Variants in PPP1R12B observed in about 807,000 individuals in gnomAD.
PPP1R12B encodes protein phosphatase 1 regulatory subunit 12B.
In PPP1R12B, 76 loss-of-function variants were observed where a neutral mutation model predicts 126.1. The observed-to-expected ratio is 0.60, with a 90% CI of 0.50 to 0.73. PPP1R12B has a LOEUF of 0.73. Ranked by LOEUF, PPP1R12B falls within the 30% of genes least tolerant of loss-of-function variation. The probability of loss-of-function intolerance (pLI) is 0.00; values close to 1 mark genes in which losing one functional copy is unlikely to be tolerated. For missense variants in PPP1R12B, 1,052 were observed against 1,205.1 expected (o/e 0.87, Z 1.88); for synonymous variants, 356 against 434.7 (o/e 0.82, Z 2.25).
intron 23 of PPP1R12B, chr1:202,574,898 A>G: frequency 8.2e-7 from 1 of 1,220,788 alleles, no homozygotes; most frequent in Non-Finnish European, 1.1e-6. Context: ...TAAAAACAAA[A>G]ACAAAAAGTC....
At chr1:202,462,804 G>T in intron 13 of PPP1R12B, 1 of 985,398 alleles carries the variant, frequency 1.0e-6, no homozygotes, top group Middle Eastern at 5.2e-4. Flanking sequence ...CAGAGGAGTG[G>T]CCACCTGTTT....
At chr1:202,516,494 G>A (rs1262782816) in intron 18 of PPP1R12B, among the ~76,000 whole-genome samples, 1 of 152,126 alleles carries the variant, frequency 6.6e-6, no homozygotes, top group Non-Finnish European at 1.5e-5. Flanking sequence ...TGGGGCTGGG[G>A]AGCATGAAAG....
intron 1 of PPP1R12B, among the ~76,000 whole-genome samples, chr1:202,392,480 A>G: frequency 6.6e-6 from 1 of 151,736 alleles, no homozygotes; most frequent in Non-Finnish European, 1.5e-5. Context: ...AGGGAGGGTA[A>G]GAGGTTGAGG....
chr1:202,464,305 T>C (rs1674699851), intron 13 of PPP1R12B, among the ~76,000 whole-genome samples: 1 of 152,202 alleles, frequency 6.6e-6, no homozygotes, highest in Admixed American at 6.5e-5. Context: ...TAAATGTTTA[T>C]TGAATAAAAT....
chr1:202,361,114 C>T (rs1002461733), intron 1 of PPP1R12B, among the ~76,000 whole-genome samples: 4 of 152,054 alleles, frequency 2.6e-5, no homozygotes, highest in Non-Finnish European at 5.9e-5. Flanking sequence ...AGAATGGTCT[C>T]GATCTCCTGA....
At chr1:202,453,181 T>C (rs903497571) in intron 13 of PPP1R12B, among the ~76,000 whole-genome samples, 6 of 152,194 alleles carry the variant, frequency 3.9e-5, no homozygotes, top group African/African-American at 1.4e-4. Context: ...TGAGGGTTTT[T>C]ATCATGAAAG....
intron 1 of PPP1R12B, among the ~76,000 whole-genome samples, chr1:202,349,442 G>A (rs1224585653): frequency 2.0e-5 from 3 of 152,116 alleles, no homozygotes; most frequent in African/African-American, 7.2e-5. Flanking sequence ...CTGTAGATTA[G>A]TTATCTTCAC....
chr1:202,537,034 G>A (rs919012329), intron 18 of PPP1R12B, among the ~76,000 whole-genome samples: 1 of 152,128 alleles, frequency 6.6e-6, no homozygotes, highest in African/African-American at 2.4e-5. Context: ...CTAAAATAAT[G>A]ATTTAAAATA....
chr1:202,451,747 C>T (rs1001845833), intron 13 of PPP1R12B, among the ~76,000 whole-genome samples: 1 of 151,844 alleles, frequency 6.6e-6, no homozygotes, highest in African/African-American at 2.4e-5. Flanking sequence ...GTAGGGGCGG[C>T]CGGGCAGAGG....
At chr1:202,366,751 G>A (rs747330790) in intron 1 of PPP1R12B, among the ~76,000 whole-genome samples, 5 of 152,126 alleles carry the variant, frequency 3.3e-5, no homozygotes, top group Admixed American at 6.6e-5. Flanking sequence ...TTTAGAAATT[G>A]TGGTGCTATT....
intron 1 of PPP1R12B, among the ~76,000 whole-genome samples, chr1:202,411,002 C>A (rs1031621783): frequency 3.3e-5 from 5 of 152,084 alleles, no homozygotes; most frequent in Non-Finnish European, 7.4e-5. Flanking sequence ...AAAGGAAAGA[C>A]CTATCTCTCT....
At chr1:202,526,647 C>G (rs1428963721) in intron 18 of PPP1R12B, among the ~76,000 whole-genome samples, 2 of 151,988 alleles carry the variant, frequency 1.3e-5, no homozygotes, top group African/African-American at 4.8e-5. Context: ...GCATGAGAGA[C>G]AGTGGAGATT....
intron 15 of PPP1R12B, among the ~76,000 whole-genome samples, chr1:202,494,326 G>A (rs1238592189): frequency 2.0e-5 from 3 of 152,170 alleles, no homozygotes; most frequent in Non-Finnish European, 2.9e-5. Context: ...TTTTATAGAT[G>A]AGGAATTTAT....
intron 18 of PPP1R12B, among the ~76,000 whole-genome samples, chr1:202,524,787 C>G (rs1034614569): frequency 8.5e-5 from 13 of 152,278 alleles, no homozygotes; most frequent in African/African-American, 2.9e-4. Context: ...GGCATTTGGG[C>G]TGGTTCCAAA....
chr1:202,486,694 C>G (rs1387623015), intron 13 of PPP1R12B, among the ~76,000 whole-genome samples: 1 of 152,176 alleles, frequency 6.6e-6, no homozygotes, highest in Non-Finnish European at 1.5e-5. Context: ...GTAGTCCCAG[C>G]TACTTGCAAA....
chr1:202,476,824 G>C (rs1676735384), intron 13 of PPP1R12B, among the ~76,000 whole-genome samples: 1 of 151,770 alleles, frequency 6.6e-6, no homozygotes, highest in Non-Finnish European at 1.5e-5. Context: ...TGAGGTATAG[G>C]ACTCTAAAGC....
At chr1:202,386,381 G>C (rs1663141602) in intron 1 of PPP1R12B, among the ~76,000 whole-genome samples, 1 of 151,918 alleles carries the variant, frequency 6.6e-6, no homozygotes, top group Non-Finnish European at 1.5e-5. Flanking sequence ...ACCCAGGCTA[G>C]AGTGCAGTGG....
At chr1:202,406,183 C>T (rs534002330) in intron 1 of PPP1R12B, among the ~76,000 whole-genome samples, 16 of 152,324 alleles carry the variant, frequency 1.1e-4, no homozygotes, top group Non-Finnish European at 2.2e-4. Flanking sequence ...AGAAAAATCC[C>T]TCTCCATGGG....
At chr1:202,531,775 G>A (rs113643962) in intron 18 of PPP1R12B, among the ~76,000 whole-genome samples, 1 of 152,068 alleles carries the variant, frequency 6.6e-6, no homozygotes, top group African/African-American at 2.4e-5. Context: ...TGAGGACGAG[G>A]CAGAGACATT....
Sources: gnomAD v4.1 joint callset for allele counts (sites outside exome capture counted in the v4.1 genomes callset) on GRCh38, gnomAD v4.1.1 for gene constraint, MANE v1.5 for transcripts, NCBI Gene and HGNC (gene_info 2026-07-23, HGNC 2026-07-21) for gene names.